The following ABCC11 variants were observed in gnomAD, a reference collection of about 807,000 sequenced individuals.
ABCC11 encodes the protein ATP-binding cassette sub-family C member 11.
Under a neutral mutation model 149.3 loss-of-function variants are expected in ABCC11, and 135 were observed. The observed-to-expected ratio is 0.90, with a 90% CI of 0.79 to 1.04. The LOEUF (loss-of-function observed/expected upper bound fraction) is 1.04. Among genes scored for constraint, ABCC11 ranks in the 50% least tolerant of loss-of-function variants. The probability of loss-of-function intolerance (pLI) is 0.00; values close to 1 mark genes in which losing one functional copy is unlikely to be tolerated. For synonymous variants in ABCC11, 665 were observed against 671.4 expected (o/e 0.99, Z 0.15); for missense variants, 1,680 against 1,722.1 (o/e 0.98, Z 0.43).
At chr16:48,233,617 G>A (rs1282843651) in intron 1 of ABCC11, among the ~76,000 whole-genome samples, 3 of 152,224 alleles carry the variant, frequency 2.0e-5, no homozygotes, top group Non-Finnish European at 4.4e-5. Flanking sequence ...TCCCTAGAAT[G>A]AGGCCCTGTG....
intron 26 of ABCC11, among the ~76,000 whole-genome samples, chr16:48,173,949 C>T (rs1475352170): frequency 6.6e-6 from 1 of 152,128 alleles, no homozygotes; most frequent in Non-Finnish European, 1.5e-5. Flanking sequence ...TTTTGAAACC[C>T]TGTGTCTGTG....
intron 1 of ABCC11, among the ~76,000 whole-genome samples, chr16:48,239,083 C>T (rs1798672788): frequency 6.6e-6 from 1 of 151,286 alleles, no homozygotes; most frequent in Admixed American, 6.6e-5. Flanking sequence ...TGTAAAATTA[C>T]ACCTACAACC....
chr16:48,179,041 G>T (rs2150741580), intron 23 of ABCC11, among the ~76,000 whole-genome samples: 1 of 152,294 alleles, frequency 6.6e-6, no homozygotes. Context: ...AATGAACTTT[G>T]ACTGATGGGG....
chr16:48,219,249 A>C (rs911507734), intron 6 of ABCC11, among the ~76,000 whole-genome samples: 2 of 148,566 alleles, frequency 1.3e-5, no homozygotes, highest in African/African-American at 5.1e-5. Flanking sequence ...AGCTCACTGC[A>C]ACCTATGCCT....
At chr16:48,243,917 G>C (rs1361254207) in intron 1 of ABCC11, among the ~76,000 whole-genome samples, 2 of 152,082 alleles carry the variant, frequency 1.3e-5, no homozygotes, top group African/African-American at 4.8e-5. Flanking sequence ...GCTTGAACCC[G>C]GGAGGCAGAG....
At chr16:48,191,868 T>C (rs1270984529) in intron 20 of ABCC11, among the ~76,000 whole-genome samples, 1 of 152,066 alleles carries the variant, frequency 6.6e-6, no homozygotes, top group South Asian at 2.1e-4. Context: ...TTAGGAGATA[T>C]ACCTAATGTT....
rs369304577 is a variant in ABCC11, at chr16:48,175,363, C to T, written c.3593G>A (p.Arg1198Gln). 99 of 1,613,948 alleles carry T rather than the reference C, an allele frequency of 6.1e-5. No homozygotes were observed. The highest frequency in any genetic ancestry group is 1.3e-4 in the African/African-American group (10 of 74,942). Residue 1198 changes from arginine to glutamine, a missense_variant, in exon 26 of 30, where the codon CGG (arginine) becomes CAG (glutamine). Coordinates refer to ENST00000356608, the MANE Select transcript of ABCC11 (RefSeq NM_001370497.1). ...LFRLVEPMAG[R>Q]ILIDGVDICS... ...AATGTCCACGCCGTCAATGAGAATCCGGCCTGCCATGGGCTCCACCAGGCG... is the reference window on the plus strand; with the variant it reads ...AATGTCCACGCCGTCAATGAGAATCTGGCCTGCCATGGGCTCCACCAGGCG...
chr16:48,243,226 C>G (rs1344354872), intron 1 of ABCC11, among the ~76,000 whole-genome samples: 1 of 151,490 alleles, frequency 6.6e-6, no homozygotes, highest in African/African-American at 2.4e-5. Context: ...ATGGCGAAAC[C>G]CCGTCTCTAC....
At chr16:48,206,270 G>A (rs915677368) in intron 12 of ABCC11, among the ~76,000 whole-genome samples, 14 of 152,088 alleles carry the variant, frequency 9.2e-5, no homozygotes, top group African/African-American at 3.1e-4. Flanking sequence ...TCTTACTTTT[G>A]GACATCACGA....
chr16:48,184,715 C>A, intron 22 of ABCC11, 89 bp from the exon 23 acceptor site: 1 of 1,337,096 alleles, frequency 7.5e-7, no homozygotes, highest in Non-Finnish European at 1.0e-6. Flanking sequence ...CTTCCTCCAG[C>A]ATCCAGTTCC....
rs775412372 is a variant in ABCC11, at chr16:48,167,579, G to C, written c.3973C>G (p.Gln1325Glu). 4.3e-6 allele frequency: 7 copies of C among 1,614,166 alleles called. No homozygotes were observed. In the South Asian group the frequency reaches 7.7e-5, roughly 18 times the overall value. The stretch of plus-strand genomic sequence containing the variant: ...GCAATGACGAGCACGGTGCAGCCCT[G>C]GAAGGCTTCACGGATTGTGCGCTGG... ...LIQRTIREAF[Q>E]GCTVLVIAHR... The change falls in exon 29 of 30, where the codon CAG becomes GAG. Residue 1325 changes from glutamine to glutamate, a missense_variant. By Grantham distance (29) the Gln-to-Glu change is conservative. Transcript: ENST00000356608.
chr16:48,204,009 C>T (rs2150833500), intron 13 of ABCC11, among the ~76,000 whole-genome samples: 1 of 152,292 alleles, frequency 6.6e-6, no homozygotes, highest in East Asian at 1.9e-4. Context: ...TATATGGTTG[C>T]ACCATAAATT....
intron 22 of ABCC11, among the ~76,000 whole-genome samples, chr16:48,185,628 C>A (rs1022885439): frequency 9.2e-5 from 14 of 152,118 alleles, no homozygotes; most frequent in Non-Finnish European, 1.9e-4. Context: ...ATTAAATATT[C>A]ATTTACTCAT....
chr16:48,232,678 G>A (rs1310204451), intron 1 of ABCC11, among the ~76,000 whole-genome samples: 1 of 152,238 alleles, frequency 6.6e-6, no homozygotes, highest in Non-Finnish European at 1.5e-5. Context: ...CTGAAGAGAT[G>A]GAAAGAGAAA....
In ABCC11 at chr16:48,175,167, A is replaced by T; in HGVS notation, c.3698+91T>A. The T allele has an allele frequency of 1.4e-5, 21 of 1,487,424 alleles. No individual in the cohort carries two copies. In the South Asian group the frequency reaches 2.6e-4, roughly 18 times the overall value. The allele number at this position is 1,487,424 out of a possible 1,614,324, so 92.1% of individuals were successfully genotyped here. A position where few individuals can be genotyped will look rare whatever the true frequency, so the allele number is the denominator to read the frequency against. On this transcript the variant is annotated intron_variant, in intron 26 of 29. Coordinates refer to ENST00000356608, the MANE Select transcript of ABCC11 (RefSeq NM_001370497.1). ...GCCAAGGAGGCCTGGAAATCGGGGC[A>T]TTGGTCACCAGCTCACTATAGGCAG...
chr16:48,206,228 G>A (rs1422012097), intron 12 of ABCC11, among the ~76,000 whole-genome samples: 1 of 152,190 alleles, frequency 6.6e-6, no homozygotes, highest in Non-Finnish European at 1.5e-5. Flanking sequence ...TGTTAGGTAG[G>A]ATAATGTTAT....
chr16:48,194,044 C>G (rs1967165614), intron 18 of ABCC11, 62 bp from the exon 19 acceptor site: 1 of 1,246,064 alleles, frequency 8.0e-7, no homozygotes. Flanking sequence ...ACTGCTGACT[C>G]AGCTGCTCGG....
At chr16:48,203,127 G>A in intron 14 of ABCC11, 101 bp downstream of exon 14, 1 of 1,283,998 alleles carries the variant, frequency 7.8e-7, no homozygotes. Flanking sequence ...CAACTGCTTT[G>A]GGAGGAAGAG....
chr16:48,208,062 T>C (rs1968597327), intron 12 of ABCC11, among the ~76,000 whole-genome samples: 1 of 152,098 alleles, frequency 6.6e-6, no homozygotes, highest in South Asian at 2.1e-4. Flanking sequence ...ATAGGGACCA[T>C]TGCAAGAGGG....
Sources: gnomAD v4.1 joint callset for allele counts (sites outside exome capture counted in the v4.1 genomes callset) on GRCh38, gnomAD v4.1.1 for gene constraint, MANE v1.5 for transcripts, NCBI Gene and HGNC (gene_info 2026-07-23, HGNC 2026-07-21) for gene names.